INTS4: variants seen among roughly 807,000 people sequenced by gnomAD.
The protein encoded by INTS4 is MSTP093.
INTS4 carries 70 observed loss-of-function variants against 119.5 expected under a neutral mutation model. That is an observed-to-expected ratio of 0.59 (90% CI 0.48 to 0.71). The LOEUF (loss-of-function observed/expected upper bound fraction) is 0.71, where lower values mean the gene tolerates loss of function less well. Among genes scored for constraint, INTS4 ranks in the 30% least tolerant of loss-of-function variants. The pLI, the probability that INTS4 is intolerant of heterozygous loss-of-function variation, is 0.00. For missense variants in INTS4, 867 were observed against 1,173.2 expected (o/e 0.74, Z 3.81); for synonymous variants, 316 against 419.6 (o/e 0.75, Z 3.02).
chr11:77,875,432 T>C (rs1455895329), downstream of INTS4, among the ~76,000 whole-genome samples: 1 of 152,206 alleles, frequency 6.6e-6, no homozygotes, highest in Non-Finnish European at 1.5e-5. Context: ...TTTTTAACTT[T>C]CATGAAAATG....
At chr11:77,965,481 C>G (rs552261262) in intron 4 of INTS4, among the ~76,000 whole-genome samples, 2 of 152,292 alleles carry the variant, frequency 1.3e-5, no homozygotes, top group South Asian at 2.1e-4. Flanking sequence ...GCAACTCCCC[C>G]CTCCCTCACT....
chr11:77,913,456 C>T (rs1233954608), intron 15 of INTS4, among the ~76,000 whole-genome samples: 2 of 151,868 alleles, frequency 1.3e-5, no homozygotes, highest in African/African-American at 4.8e-5. Flanking sequence ...GGACTACAGG[C>T]ACCCGCCACC....
At chr11:77,952,363 C>T (rs1252285849) in intron 8 of INTS4, among the ~76,000 whole-genome samples, 1 of 152,130 alleles carries the variant, frequency 6.6e-6, no homozygotes, top group African/African-American at 2.4e-5. Flanking sequence ...ATACCACATT[C>T]CTAAATTTTA....
At chr11:77,943,829 C>T (rs1953986086) in intron 8 of INTS4, among the ~76,000 whole-genome samples, 1 of 152,170 alleles carries the variant, frequency 6.6e-6, no homozygotes, top group Admixed American at 6.5e-5. Flanking sequence ...ACAAAAACTG[C>T]TCAACTGGTG....
At chr11:77,944,641 G>A (rs1315372429) in intron 8 of INTS4, among the ~76,000 whole-genome samples, 1 of 152,172 alleles carries the variant, frequency 6.6e-6, no homozygotes, top group Non-Finnish European at 1.5e-5. Context: ...TGCTGAACAG[G>A]TGATTTAAAG....
downstream of INTS4, chr11:77,877,154 C>T: frequency 1.6e-6 from 1 of 641,438 alleles, no homozygotes; most frequent in South Asian, 1.8e-5. Context: ...AAATAGACTG[C>T]CAGATCTGTC....
intron 16 of INTS4, among the ~76,000 whole-genome samples, chr11:77,904,754 A>G (rs751224294): frequency 6.6e-6 from 1 of 152,258 alleles, no homozygotes; most frequent in Non-Finnish European, 1.5e-5. Context: ...CCCAAAACAT[A>G]CAATCCCAAA....
At chr11:77,895,719 T>C (rs1407522566) in intron 18 of INTS4, among the ~76,000 whole-genome samples, 1 of 152,014 alleles carries the variant, frequency 6.6e-6, no homozygotes, top group Non-Finnish European at 1.5e-5. Flanking sequence ...CAGTGACATT[T>C]CCTCATTTGT....
chr11:77,963,430 A>T (rs1401389994), intron 4 of INTS4: 17 of 425,838 alleles, frequency 4.0e-5, no homozygotes, highest in Non-Finnish European at 7.3e-5. Context: ...ATTAAAAAAA[A>T]TTGCTAAGTG....
Position 77,950,029 on chromosome 11 carries a change from A to T in INTS4, c.918+5913T>A, listed in dbSNP as rs1327343321. ...TGGCGCATATACACCATGGAATACC[A>T]TGCAGCCACAAAAAAGGATGAGTTC... On this transcript the variant is annotated intron_variant, in intron 8 of 22. Transcript: ENST00000534064. Among the ~76,000 whole-genome samples, 3 of 152,212 alleles carry T rather than the reference A, an allele frequency of 2.0e-5. No individual in the cohort carries two copies. The East Asian group carries it at 5.8e-4, about 29-fold the overall frequency.
intron 5 of INTS4, among the ~76,000 whole-genome samples, chr11:77,960,727 A>G (rs1954448434): frequency 6.6e-6 from 1 of 152,152 alleles, no homozygotes; most frequent in South Asian, 2.1e-4. Flanking sequence ...ACAGGTTCCT[A>G]TTGTGCTTTC....
At chr11:77,964,467 G>A (rs1048775356) in intron 4 of INTS4, among the ~76,000 whole-genome samples, 2 of 151,918 alleles carry the variant, frequency 1.3e-5, no homozygotes, top group Admixed American at 6.6e-5. Flanking sequence ...CCAGCTACTC[G>A]GGAGGCTGAG....
At chr11:77,985,507 C>T (rs1327065346) in intron 2 of INTS4, among the ~76,000 whole-genome samples, 1 of 152,182 alleles carries the variant, frequency 6.6e-6, no homozygotes, top group African/African-American at 2.4e-5. Flanking sequence ...CTCTATAATG[C>T]ATTTCTGGAT....
intron 8 of INTS4, among the ~76,000 whole-genome samples, chr11:77,944,727 CA>C (rs1954006881): frequency 6.6e-6 from 1 of 152,086 alleles, no homozygotes; most frequent in Admixed American, 6.5e-5. Flanking sequence ...TTTTGAGTAC[CA>C]ACATGATGCT....
intron 4 of INTS4, among the ~76,000 whole-genome samples, chr11:77,974,931 T>C (rs1410322634): frequency 6.6e-6 from 1 of 152,162 alleles, no homozygotes; most frequent in Non-Finnish European, 1.5e-5. Flanking sequence ...TTTCCTAATA[T>C]GTCCATCTTC....
At chr11:77,956,561 G>T (rs1470471332) in intron 7 of INTS4, among the ~76,000 whole-genome samples, 10 of 151,986 alleles carry the variant, frequency 6.6e-5, no homozygotes, top group Admixed American at 3.9e-4. Flanking sequence ...ATAAAAATTA[G>T]CCAGGCATGG....
intron 16 of INTS4, among the ~76,000 whole-genome samples, chr11:77,907,455 T>G (rs1259903347): frequency 6.6e-6 from 1 of 152,202 alleles, no homozygotes; most frequent in Non-Finnish European, 1.5e-5. Flanking sequence ...ATTTACAACC[T>G]TGGGATTCTA....
intron 8 of INTS4, among the ~76,000 whole-genome samples, chr11:77,952,572 ATAG>A (rs1422525180): frequency 6.6e-6 from 1 of 152,226 alleles, no homozygotes; most frequent in Non-Finnish European, 1.5e-5. Flanking sequence ...AACTCTATAC[ATAG>A]TAGTAATTAT....
At chr11:77,892,826 A>C (rs1591017152) in intron 19 of INTS4, among the ~76,000 whole-genome samples, 1 of 151,912 alleles carries the variant, frequency 6.6e-6, no homozygotes, top group Non-Finnish European at 1.5e-5. Flanking sequence ...CTCGTGATCC[A>C]CCCGCCTCAG....
Sources: gnomAD v4.1 joint callset for allele counts (sites outside exome capture counted in the v4.1 genomes callset) on GRCh38, gnomAD v4.1.1 for gene constraint, MANE v1.5 for transcripts, NCBI Gene and HGNC (gene_info 2026-07-23, HGNC 2026-07-21) for gene names.